DDX4: variants seen among roughly 807,000 people sequenced by gnomAD.
DDX4 encodes DEAD-box helicase 4.
Under a neutral mutation model 100.0 loss-of-function variants are expected in DDX4, and 25 were observed. The ratio of observed to expected loss-of-function variants is 0.25; its 90% CI spans 0.18 to 0.35. The LOEUF is 0.35. DDX4 is among the 10% of genes least tolerant of loss of function. DDX4 has a pLI of 1.00. For missense variants in DDX4, 635 were observed against 882.4 expected, an observed-to-expected ratio of 0.72 and a Z score of 3.55; for synonymous variants, 259 against 275.7, an observed-to-expected ratio of 0.94 and a Z score of 0.60.
intron 14 of DDX4, among the ~76,000 whole-genome samples, 175 bp downstream of exon 14, chr5:55,786,845 A>C (rs2112022897): frequency 6.6e-6 from 1 of 152,338 alleles, no homozygotes; most frequent in African/African-American, 2.4e-5. Flanking sequence ...GGAAGAAAGA[A>C]TTCTGAACTA....
chr5:55,798,089 T>C (rs1183700733), intron 17 of DDX4, among the ~76,000 whole-genome samples: 1 of 152,230 alleles, frequency 6.6e-6, no homozygotes, highest in East Asian at 1.9e-4. Context: ...AAAAAATAAT[T>C]CCTGCTTATT....
intron 18 of DDX4, among the ~76,000 whole-genome samples, chr5:55,808,980 G>A (rs896442903): frequency 2.0e-5 from 3 of 152,186 alleles, no homozygotes; most frequent in Non-Finnish European, 4.4e-5. Flanking sequence ...CGAGCTTCCT[G>A]GCCGCTTTGT....
At position 55,738,942 on chromosome 5, in the gene DDX4, A is replaced by G. The variant is rs368499701; in HGVS notation, c.-14-8A>G. 7.9e-6 allele frequency: 11 copies of G among 1,393,072 alleles called. No homozygotes were observed. In the African/African-American group the frequency reaches 1.4e-4, roughly 17 times the overall value. 86.3% of individuals were successfully genotyped at this position (1,393,072 alleles called of 1,614,324 possible). A position where few individuals can be genotyped will look rare whatever the true frequency, so the allele number is the denominator to read the frequency against. ...TCCAAATGTGCATTTTTTTTTTTTT[A>G]TGAATAGAACTTGAAGCCACCATGG... On this transcript the variant is annotated splice_polypyrimidine_tract_variant and splice_region_variant and intron_variant, in intron 1 of 21. Coordinates refer to ENST00000505374, the MANE Select transcript of DDX4 (RefSeq NM_024415.3).
At chr5:55,747,271 G>A (rs745840286) in intron 3 of DDX4, among the ~76,000 whole-genome samples, 3 of 152,176 alleles carry the variant, frequency 2.0e-5, no homozygotes, top group African/African-American at 4.8e-5. Flanking sequence ...CCAGCCACTC[G>A]GAAGGCTGAG....
chr5:55,786,716 T>C (rs539714380), intron 14 of DDX4, 46 bp downstream of exon 14: 2 of 1,508,956 alleles, frequency 1.3e-6, no homozygotes, highest in African/African-American at 2.8e-5. Context: ...TTTTGAGCTT[T>C]GGTTCTTCCT....
At chr5:55,763,140 T>C in intron 4 of DDX4, 35 bp from the exon 5 acceptor site, 3 of 1,354,036 alleles carry the variant, frequency 2.2e-6, no homozygotes, top group South Asian at 2.4e-5. Context: ...CTTAATTTTA[T>C]ATGTTAAAGA....
Position 55,738,946 on chromosome 5 carries a change from A to C in DDX4, c.-14-4A>C. The stretch of plus-strand genomic sequence containing the variant: ...AATGTGCATTTTTTTTTTTTTATGA[A>C]TAGAACTTGAAGCCACCATGGGAGA... On this transcript the variant is annotated splice_polypyrimidine_tract_variant and splice_region_variant and intron_variant, in intron 1 of 21. Coordinates refer to ENST00000505374, the MANE Select transcript of DDX4 (RefSeq NM_024415.3). 1.3e-6 allele frequency: 2 copies of C among 1,534,402 alleles called. No individual in the cohort carries two copies. Among genetic ancestry groups the C allele is most frequent in the South Asian group, 1.2e-5 (1 of 86,854 alleles).
intron 7 of DDX4, among the ~76,000 whole-genome samples, chr5:55,769,096 T>C (rs1006966330): frequency 2.6e-5 from 4 of 152,198 alleles, no homozygotes; most frequent in South Asian, 2.1e-4. Context: ...ATAGTTTCTT[T>C]CGTTGTGCAG....
chr5:55,743,417 AC>A (rs1167021867), intron 2 of DDX4, among the ~76,000 whole-genome samples: 1 of 151,828 alleles, frequency 6.6e-6, no homozygotes, highest in African/African-American at 2.4e-5. Flanking sequence ...ATCTGCTGTG[AC>A]CCCTTTTCTC....
intron 17 of DDX4, among the ~76,000 whole-genome samples, chr5:55,793,653 G>A (rs1742732497): frequency 6.6e-6 from 1 of 152,178 alleles, no homozygotes; most frequent in South Asian, 2.1e-4. Context: ...GGGTCATTGA[G>A]AGTGATGGTA....
At chr5:55,757,193 A>C (rs1397395562) in intron 3 of DDX4, among the ~76,000 whole-genome samples, 2 of 152,076 alleles carry the variant, frequency 1.3e-5, no homozygotes, top group Admixed American at 6.5e-5. Context: ...GAGATTCGTG[A>C]GATTTTGTGA....
At chr5:55,799,669 C>A (rs1160155974) in intron 18 of DDX4, among the ~76,000 whole-genome samples, 3 of 152,218 alleles carry the variant, frequency 2.0e-5, no homozygotes, top group Non-Finnish European at 2.9e-5. Context: ...AGCCACCATT[C>A]CTGGCCCAAT....
chr5:55,813,681 A>G lies in DDX4; in HGVS notation c.1624A>G (p.Arg542Gly). ...VEILRNIGDERTMVFVETKKK... is the reference protein window; with the variant it reads ...VEILRNIGDEGTMVFVETKKK... ...ATTTCATTGTCTTGTAGGGGATGAA[A>G]GAACTATGGTCTTTGTTGAAACTAA... Residue 542 changes from arginine to glycine, a missense_variant, in exon 19 of 22, where the codon AGA becomes GGA. Arg to Gly is a moderately radical substitution (Grantham distance 125). This residue lies in a region of DDX4 where 115 missense variants were observed against 224.7 expected (regional missense o/e 0.51). Coordinates refer to ENST00000505374, the MANE Select transcript of DDX4 (RefSeq NM_024415.3). The G allele has an allele frequency of 1.3e-6, 2 of 1,578,872 alleles. No homozygotes were observed. The highest frequency in any genetic ancestry group is 1.7e-6 in the Non-Finnish European group (2 of 1,167,706).
intron 3 of DDX4, 82 bp from the exon 4 acceptor site, chr5:55,760,118 C>G (rs1760225244): frequency 2.1e-6 from 3 of 1,437,254 alleles, no homozygotes; most frequent in Admixed American, 2.9e-5. Context: ...TCCTTTGCCA[C>G]ATGTGGCACA....
At chr5:55,770,050 T>C (rs747113639) in intron 7 of DDX4, among the ~76,000 whole-genome samples, 3 of 152,032 alleles carry the variant, frequency 2.0e-5, no homozygotes, top group Admixed American at 6.6e-5. Context: ...GTATTTTTAG[T>C]AGAGATGGAG....
intron 3 of DDX4, among the ~76,000 whole-genome samples, chr5:55,752,427 T>A (rs963492518): frequency 6.8e-6 from 1 of 147,960 alleles, no homozygotes; most frequent in African/African-American, 2.5e-5. Flanking sequence ...AGTGAGAATA[T>A]GCGGTGTTTG....
At chr5:55,792,411 A>T (rs1742635590) in intron 16 of DDX4, among the ~76,000 whole-genome samples, 1 of 149,932 alleles carries the variant, frequency 6.7e-6, no homozygotes, top group African/African-American at 2.5e-5. Context: ...CCCAGGCTGG[A>T]GTGCAGTGGC....
At chr5:55,744,060 T>C (rs944249638) in intron 2 of DDX4, among the ~76,000 whole-genome samples, 1 of 152,178 alleles carries the variant, frequency 6.6e-6, no homozygotes, top group Non-Finnish European at 1.5e-5. Flanking sequence ...TTTTTTTTAC[T>C]GTAGCAATTA....
intron 10 of DDX4, 24 bp from the exon 11 acceptor site, chr5:55,785,272 TG>T: frequency 1.3e-6 from 2 of 1,527,292 alleles, no homozygotes; most frequent in Non-Finnish European, 1.8e-6. Context: ...CTTGACCGAT[TG>T]TCACTTATGA....
Sources: allele counts gnomAD v4.1 joint callset (sites outside exome capture counted in the v4.1 genomes callset), GRCh38; gene constraint gnomAD v4.1.1; regional missense constraint gnomAD v4.1.1; transcripts MANE v1.5; gene names NCBI Gene and HGNC (gene_info 2026-07-23, HGNC 2026-07-21).